DLC1: variants seen among roughly 807,000 people sequenced by gnomAD.
DLC1 encodes rho GTPase-activating protein 7.
Under a neutral mutation model 140.3 loss-of-function variants are expected in DLC1, and 54 were observed. The ratio of observed to expected loss-of-function variants is 0.38; its 90% CI spans 0.31 to 0.48. DLC1 has a LOEUF of 0.48. Ranked by LOEUF, DLC1 falls within the 20% of genes least tolerant of loss-of-function variation. The pLI is 0.96. For synonymous variants in DLC1, 986 were observed against 728.1 expected (o/e 1.35, Z -5.70); for missense variants, 2,536 against 1,907.0 (o/e 1.33, Z -6.14).
intron 13 of DLC1, among the ~76,000 whole-genome samples, 197 bp from the exon 14 acceptor site, chr8:13,091,629 T>A (rs1818084295): frequency 1.3e-5 from 2 of 152,146 alleles, no homozygotes; most frequent in African/African-American, 4.8e-5. Flanking sequence ...AAAAAAACAT[T>A]AAAGAGATAT....
At chr8:13,593,026 CT>C (rs1805570032) in intron 1 of DLC1, among the ~76,000 whole-genome samples, 1 of 152,014 alleles carries the variant, frequency 6.6e-6, no homozygotes, top group Admixed American at 6.6e-5. Flanking sequence ...AGGAGTTTAG[CT>C]TTGGCGTATG....
In DLC1 at chr8:13,553,287, T is replaced by C. The variant is rs1803929818; in HGVS notation, c.-126+51250A>G. On this transcript the variant is annotated intron_variant, in intron 1 of 1. Transcript: ENST00000631382. ...TCTTCTTACTGTTTTAGATGAACTT[T>C]CTGTGCTCCTATATAAGGCCAATTT... 2.1e-5 allele frequency among the ~76,000 whole-genome samples: 3 copies of C among 144,400 alleles called. No homozygotes were observed. In the South Asian group the frequency reaches 6.7e-4, roughly 32 times the overall value. 94.7% of individuals were successfully genotyped at this position (144,400 alleles called of 152,430 possible). A position where few individuals can be genotyped will look rare whatever the true frequency, so the allele number is the denominator to read the frequency against.
At chr8:13,156,385 A>T (rs768312860) in intron 5 of DLC1, among the ~76,000 whole-genome samples, 1 of 152,174 alleles carries the variant, frequency 6.6e-6, no homozygotes, top group African/African-American at 2.4e-5. Flanking sequence ...CAAGGTTACA[A>T]GGTGAGAGTG....
At chr8:13,561,608 ATTAAT>A (rs1317748649) in intron 1 of DLC1, among the ~76,000 whole-genome samples, 4 of 152,154 alleles carry the variant, frequency 2.6e-5, no homozygotes, top group African/African-American at 9.7e-5. Context: ...TTTGTTCTTT[ATTAAT>A]TTATTTATTT....
intron 4 of DLC1, among the ~76,000 whole-genome samples, chr8:13,366,758 G>A (rs1434702615): frequency 1.3e-5 from 2 of 152,192 alleles, no homozygotes; most frequent in South Asian, 2.1e-4. Context: ...CTCAGACACA[G>A]GAAAGATCTT....
intron 5 of DLC1, among the ~76,000 whole-genome samples, chr8:13,248,962 A>G (rs17127697): frequency 0.24 from 35,778 of 151,990 alleles, 4,401 homozygotes; most frequent in South Asian, 0.34. Flanking sequence ...CAGAGGGGCT[A>G]TTTTACTCAT....
chr8:13,225,017 ACCAGGAAATGACAGG>A (rs1389568794), intron 5 of DLC1, among the ~76,000 whole-genome samples: 25 of 152,266 alleles, frequency 1.6e-4, no homozygotes, highest in African/African-American at 6.0e-4. Context: ...TCCTATCTCT[ACCAGGAAATGACAGG>A]CCAGCCTGAA....
chr8:13,553,756 T>C (rs966040860), intron 1 of DLC1, among the ~76,000 whole-genome samples: 1 of 152,110 alleles, frequency 6.6e-6, no homozygotes, highest in Non-Finnish European at 1.5e-5. Flanking sequence ...CAAATGCCCA[T>C]CAGTCTTTGA....
chr8:13,192,972 C>A (rs1826849388), intron 5 of DLC1, among the ~76,000 whole-genome samples: 1 of 152,206 alleles, frequency 6.6e-6, no homozygotes, highest in Admixed American at 6.5e-5. Context: ...GCAGCCCAAG[C>A]AAACTAATAC....
At chr8:13,115,471 TAAAAATAAAACA>T in intron 6 of DLC1, 103 bp downstream of exon 6, 3 of 1,049,954 alleles carry the variant, frequency 2.9e-6, no homozygotes, top group Non-Finnish European at 4.0e-6. Flanking sequence ...ACATTTTTTT[TAAAAATAAAACA>T]TTTAAACGAT....
intron 2 of DLC1, among the ~76,000 whole-genome samples, chr8:13,418,274 C>T (rs1054879690): frequency 1.3e-5 from 2 of 152,142 alleles, no homozygotes; most frequent in African/African-American, 4.8e-5. Flanking sequence ...GTGTTTTAGA[C>T]ATGAAGTCCT....
intron 4 of DLC1, among the ~76,000 whole-genome samples, chr8:13,359,770 A>G (rs1489400535): frequency 2.0e-5 from 3 of 152,238 alleles, no homozygotes; most frequent in African/African-American, 4.8e-5. Context: ...GAACCATACT[A>G]TGATTTCACC....
chr8:13,313,688 C>G (rs893963641), intron 4 of DLC1, among the ~76,000 whole-genome samples: 22 of 152,318 alleles, frequency 1.4e-4, no homozygotes, highest in African/African-American at 5.3e-4. Context: ...CTGAGTCCTC[C>G]TCTTCCTCCA....
At chr8:13,290,442 A>T (rs943962253) in intron 5 of DLC1, among the ~76,000 whole-genome samples, 1 of 152,234 alleles carries the variant, frequency 6.6e-6, no homozygotes, top group Non-Finnish European at 1.5e-5. Flanking sequence ...CAAACAGTGC[A>T]TTAAAGGATA....
intron 4 of DLC1, among the ~76,000 whole-genome samples, chr8:13,356,327 T>G (rs1283543374): frequency 6.6e-6 from 1 of 152,164 alleles, no homozygotes; most frequent in Non-Finnish European, 1.5e-5. Flanking sequence ...TATTTAAAGA[T>G]GAGGAAATTT....
Position 13,499,877 on chromosome 8 carries a change from A to T in DLC1, c.195T>A (p.Cys65Ter). 6.2e-7 allele frequency: 1 copy of T among 1,614,098 alleles called. No homozygotes were observed. Among genetic ancestry groups the T allele is most frequent in the Non-Finnish European group, 8.5e-7 (1 of 1,179,996 alleles). ...KEKCVSLPDC[C>*]HGSELRDFPG... ...GAAAATCTCTCAGCTCTGATCCATG[A>T]CAGCAGTCAGGTAGTGAAACACACT... The change falls in exon 2 of 18, where the codon TGT becomes TGA. Residue 65 changes from cysteine (C) to a stop codon, truncating the protein, a stop_gained. Transcript: ENST00000276297. LOFTEE classifies it high-confidence loss of function.
At chr8:13,175,500 T>A (rs185434653) in intron 5 of DLC1, among the ~76,000 whole-genome samples, 30 of 152,170 alleles carry the variant, frequency 2.0e-4, no homozygotes, top group African/African-American at 7.0e-4. Flanking sequence ...TTTCAACTTT[T>A]AACCGTCTGT....
intron 4 of DLC1, among the ~76,000 whole-genome samples, chr8:13,311,586 C>T (rs530337595): frequency 2.0e-5 from 3 of 152,300 alleles, no homozygotes; most frequent in Non-Finnish European, 2.9e-5. Context: ...TAAAAGTTAT[C>T]AGCAATATTG....
intron 4 of DLC1, among the ~76,000 whole-genome samples, chr8:13,317,828 G>C (rs1441265190): frequency 1.3e-5 from 2 of 152,104 alleles, no homozygotes; most frequent in African/African-American, 4.8e-5. Flanking sequence ...ATAAGTTGTA[G>C]TCAAGAGTCC....
Sources: gnomAD v4.1 joint callset for allele counts (sites outside exome capture counted in the v4.1 genomes callset) on GRCh38, gnomAD v4.1.1 for gene constraint, MANE v1.5 for transcripts, NCBI Gene and HGNC (gene_info 2026-07-23, HGNC 2026-07-21) for gene names.